Variants in DACH2 observed in about 807,000 individuals in gnomAD.
DACH2 encodes dachshund family transcription factor 2.
A neutral mutation model predicts 35.8 loss-of-function variants in DACH2; 17 were observed. That is an observed-to-expected ratio of 0.48 (90% CI 0.33 to 0.71). The LOEUF is 0.71. DACH2 is among the 30% of genes least tolerant of loss of function. The pLI is 0.02. For missense variants in DACH2, 469 were observed against 472.7 expected, an observed-to-expected ratio of 0.99 and a Z score of 0.07; for synonymous variants, 195 against 177.3, an observed-to-expected ratio of 1.10 and a Z score of -0.79.
At chrX:86,289,649 C>T (rs1405117184) in intron 1 of DACH2, among the ~76,000 whole-genome samples, 3 of 97,930 alleles carry the variant, frequency 3.1e-5, no homozygotes, top group Non-Finnish European at 6.1e-5. Flanking sequence ...TCAATTCCCA[C>T]CTATGAGTGA....
At chrX:86,295,416 T>C (rs2034429539) in intron 1 of DACH2, among the ~76,000 whole-genome samples, 1 of 111,944 alleles carries the variant, frequency 8.9e-6, no homozygotes, top group Non-Finnish European at 1.9e-5. Context: ...ACCGCAGCTG[T>C]TCCTATTCGC....
chrX:86,661,180 T>C (rs1158975888), intron 4 of DACH2, among the ~76,000 whole-genome samples: 2 of 112,223 alleles, frequency 1.8e-5, no homozygotes, highest in African/African-American at 6.5e-5. Context: ...AAATTCACTC[T>C]TTTGAAGTGT....
chrX:86,676,595 T>C (rs1293483582), intron 4 of DACH2, among the ~76,000 whole-genome samples: 1 of 111,911 alleles, frequency 8.9e-6, no homozygotes, highest in Non-Finnish European at 1.9e-5. Context: ...TTTCATTTTA[T>C]TTATTTATTT....
chrX:86,763,430 T>A (rs922849474), intron 7 of DACH2, among the ~76,000 whole-genome samples: 58 of 112,253 alleles, frequency 5.2e-4, no homozygotes, highest in African/African-American at 1.8e-3. Flanking sequence ...ATCTATGGTG[T>A]TAAAATTTAA....
chrX:86,237,554 G>C (rs1363639600), intron 1 of DACH2, among the ~76,000 whole-genome samples: 1 of 111,085 alleles, frequency 9.0e-6, no homozygotes, highest in Non-Finnish European at 1.9e-5. Context: ...GTCTGGTGGC[G>C]CCTCTGCCCG....
chrX:86,825,359 G>A (rs1309645843), intron 11 of DACH2, among the ~76,000 whole-genome samples: 4 of 110,638 alleles, frequency 3.6e-5, no homozygotes, highest in African/African-American at 1.3e-4. Flanking sequence ...GGAGGCTGCA[G>A]TGAGCTGAGA....
At chrX:86,171,996 C>T (rs1213941720) in intron 1 of DACH2, among the ~76,000 whole-genome samples, 2 of 111,620 alleles carry the variant, frequency 1.8e-5, no homozygotes, top group East Asian at 2.8e-4. Flanking sequence ...TAACTAAGTT[C>T]GCATTTCAGG....
At position 86,488,909 on chromosome X, in the gene DACH2, C is replaced by T. The variant is rs898415777; in HGVS notation, c.528-25370C>T. On this transcript the variant is annotated intron_variant, in intron 2 of 11. Coordinates refer to ENST00000373125, the MANE Select transcript of DACH2 (RefSeq NM_053281.3). Reference sequence around the variant, plus strand: ...GTACATAGTAAGTATTCGCTAACCACGACATATAATCATTACCTAACGATA... The same window carrying T: ...GTACATAGTAAGTATTCGCTAACCATGACATATAATCATTACCTAACGATA... Among the ~76,000 whole-genome samples, 15 of 110,997 alleles carry T rather than the reference C, an allele frequency of 1.4e-4. No homozygotes were observed. The South Asian group carries it at 1.5e-3, about 11-fold the overall frequency.
chrX:86,787,346 G>A (rs1161840063), intron 7 of DACH2, among the ~76,000 whole-genome samples: 1 of 111,716 alleles, frequency 9.0e-6, no homozygotes, highest in African/African-American at 3.3e-5. Flanking sequence ...ACATCCAGGG[G>A]TGGTGGCTCA....
At chrX:86,417,231 C>T (rs994638013) in intron 2 of DACH2, among the ~76,000 whole-genome samples, 1 of 110,607 alleles carries the variant, frequency 9.0e-6, no homozygotes, top group Non-Finnish European at 1.9e-5. Context: ...CATCTCCCAT[C>T]TGGCTCAACT....
At chrX:86,256,795 G>A (rs2033528517) in intron 1 of DACH2, among the ~76,000 whole-genome samples, 1 of 111,480 alleles carries the variant, frequency 9.0e-6, no homozygotes, top group South Asian at 3.8e-4. Context: ...TTTGAGAACT[G>A]CCTATTTAAG....
At chrX:86,499,122 C>T (rs754392548) in intron 2 of DACH2, among the ~76,000 whole-genome samples, 2 of 111,966 alleles carry the variant, frequency 1.8e-5, no homozygotes, top group South Asian at 3.7e-4. Context: ...TTCCTGCCAA[C>T]GTTATATAAA....
At chrX:86,185,956 A>G (rs2031668583) in intron 1 of DACH2, among the ~76,000 whole-genome samples, 1 of 112,188 alleles carries the variant, frequency 8.9e-6, no homozygotes, top group African/African-American at 3.2e-5. Flanking sequence ...TGTAGCTGGG[A>G]CTTTCCATTC....
chrX:86,531,246 G>A (rs2038715673), intron 3 of DACH2, among the ~76,000 whole-genome samples: 1 of 111,910 alleles, frequency 8.9e-6, no homozygotes, highest in Non-Finnish European at 1.9e-5. Flanking sequence ...AATTCAAATC[G>A]GCTACAGAAA....
intron 4 of DACH2, among the ~76,000 whole-genome samples, chrX:86,675,813 T>G (rs2040819899): frequency 8.9e-6 from 1 of 112,015 alleles, no homozygotes; most frequent in South Asian, 3.7e-4. Context: ...GATAAACTGC[T>G]TATCAAACTT....
chrX:86,425,691 C>T (rs960425066), intron 2 of DACH2, among the ~76,000 whole-genome samples: 2 of 110,527 alleles, frequency 1.8e-5, no homozygotes, highest in African/African-American at 6.6e-5. Flanking sequence ...TCTGCTCTAA[C>T]CTTTATTATA....
chrX:86,166,866 G>A (rs2030961085), intron 1 of DACH2, among the ~76,000 whole-genome samples: 1 of 111,374 alleles, frequency 9.0e-6, no homozygotes, highest in African/African-American at 3.3e-5. Flanking sequence ...GTGTCAAAAC[G>A]ATTGATTTGT....
chrX:86,810,791 G>C, intron 7 of DACH2, among the ~76,000 whole-genome samples: 1 of 110,982 alleles, frequency 9.0e-6, no homozygotes, highest in East Asian at 2.8e-4. Context: ...CACAGAATTT[G>C]TGATAATGTG....
In DACH2 at chrX:86,705,028, T is replaced by TTA. The variant is rs746696661; in HGVS notation, c.932-9504_932-9503dup. Among the ~76,000 whole-genome samples the TTA allele has an allele frequency of 3.1e-3, 108 of 34,885 alleles. 1 individual carries two copies. The highest frequency in any genetic ancestry group is 8.3e-3 in the African/African-American group (51 of 6,177). 30.3% of individuals were successfully genotyped at this position (34,885 alleles called of 115,157 possible). A position where few individuals can be genotyped will look rare whatever the true frequency, so the allele number is the denominator to read the frequency against. ...AATCAACAAGTGGATACAGAAATTG[T>TTA]TATATATATATATATATCTCACATA... On this transcript the variant is annotated intron_variant, in intron 5 of 11. Coordinates refer to ENST00000373125, the MANE Select transcript of DACH2 (RefSeq NM_053281.3).
Sources: gnomAD v4.1 joint callset for allele counts (sites outside exome capture counted in the v4.1 genomes callset) on GRCh38, gnomAD v4.1.1 for gene constraint, MANE v1.5 for transcripts, NCBI Gene and HGNC (gene_info 2026-07-23, HGNC 2026-07-21) for gene names.